The following ADGRG4 variants were observed in gnomAD, a reference collection of about 807,000 sequenced individuals.
The protein encoded by ADGRG4 is adhesion G protein-coupled receptor G4, also known as G protein-coupled receptor 112.
ADGRG4 carries 122 observed loss-of-function variants against 126.2 expected under a neutral mutation model. The ratio of observed to expected loss-of-function variants is 0.97; its 90% CI spans 0.83 to 1.12. The LOEUF is 1.12. ADGRG4 is among the 50% of genes most tolerant of loss of function. The pLI, the probability that ADGRG4 is intolerant of heterozygous loss-of-function variation, is 0.00. For synonymous variants in ADGRG4, 943 were observed against 838.7 expected, an observed-to-expected ratio of 1.12 and a Z score of -2.15; for missense variants, 2,481 against 2,251.8, an observed-to-expected ratio of 1.10 and a Z score of -2.06.
chrX:136,351,611 A>T, intron 7 of ADGRG4, 70 bp downstream of exon 7: 1 of 430,545 alleles, frequency 2.3e-6, no homozygotes, highest in South Asian at 7.8e-5. Flanking sequence ...TATATATGAC[A>T]GAATATATTA....
At chrX:136,354,325 A>G (rs2075080745) in intron 8 of ADGRG4, among the ~76,000 whole-genome samples, 1 of 111,856 alleles carries the variant, frequency 8.9e-6, no homozygotes, top group Non-Finnish European at 1.9e-5. Context: ...TCCAAGATCA[A>G]GGTGTTGGCA....
chrX:136,321,151 G>T (rs2074837361), intron 4 of ADGRG4, among the ~76,000 whole-genome samples: 1 of 111,703 alleles, frequency 9.0e-6, no homozygotes, highest in African/African-American at 3.3e-5. Context: ...TGTCTTGTGG[G>T]ATTAACTCTT....
At position 136,371,448 on chromosome X, in the gene ADGRG4, T is replaced by C; in HGVS notation, c.7517T>C (p.Ile2506Thr). 1 of 1,193,333 alleles carries C rather than the reference T, an allele frequency of 8.4e-7. No homozygotes were observed. The highest frequency in any genetic ancestry group is 1.1e-6 in the Non-Finnish European group (1 of 882,754). Residue 2506 changes from isoleucine (I) to threonine (T), a missense_variant, in exon 14 of 26, where the codon ATA (isoleucine) becomes ACA (threonine). By Grantham distance (89) the Ile-to-Thr change is moderately conservative. Coordinates refer to ENST00000394143, the MANE Select transcript of ADGRG4 (RefSeq NM_153834.4). ...TCAGATATTTCACAATGTGATGAGA[T>C]AAGTATGAACCTAACTCATGTTATG... ...KISDISQCDE[I>T]SMNLTHVMLQ...
intron 5 of ADGRG4, among the ~76,000 whole-genome samples, chrX:136,325,747 G>A (rs987235274): frequency 2.0e-5 from 2 of 100,797 alleles, no homozygotes; most frequent in African/African-American, 7.4e-5. Context: ...GTCTCGCTGC[G>A]ACACCCAGGC....
chrX:136,322,588 A>C (rs987502343), intron 4 of ADGRG4, among the ~76,000 whole-genome samples, 190 bp from the exon 5 acceptor site: 1 of 112,055 alleles, frequency 8.9e-6, no homozygotes, highest in African/African-American at 3.2e-5. Context: ...CTCTTCTGCC[A>C]AAACAAAAAT....
chrX:136,307,884 T>C (rs1163365659), intron 3 of ADGRG4, among the ~76,000 whole-genome samples: 3 of 112,315 alleles, frequency 2.7e-5, no homozygotes, highest in African/African-American at 9.7e-5. Context: ...TAAGACACTA[T>C]AGTTACAATT....
At chrX:136,414,628 C>A (rs1011078031) in intron 25 of ADGRG4, among the ~76,000 whole-genome samples, 3 of 112,742 alleles carry the variant, frequency 2.7e-5, no homozygotes, top group Non-Finnish European at 3.7e-5. Flanking sequence ...ACAATTGTCA[C>A]AGACCATTAA....
intron 15 of ADGRG4, among the ~76,000 whole-genome samples, chrX:136,378,251 A>G (rs1221096595): frequency 9.0e-6 from 1 of 111,475 alleles, no homozygotes; most frequent in Non-Finnish European, 1.9e-5. Context: ...TTAAAACTAG[A>G]TATTCCAATT....
intron 15 of ADGRG4, among the ~76,000 whole-genome samples, chrX:136,377,580 C>G (rs2075235414): frequency 8.9e-6 from 1 of 111,807 alleles, no homozygotes; most frequent in African/African-American, 3.2e-5. Flanking sequence ...ATACCTTTGT[C>G]TATCAGGAAG....
intron 11 of ADGRG4, 27 bp from the exon 12 acceptor site, chrX:136,361,428 T>G: frequency 9.3e-7 from 1 of 1,074,017 alleles, no homozygotes; most frequent in Non-Finnish European, 1.2e-6. Flanking sequence ...TCTTGTCCTT[T>G]AAAATGTGCA....
chrX:136,387,681 C>A lies in ADGRG4; in HGVS notation c.7777-59C>A, dbSNP rs983187150. 83 of 1,115,340 alleles carry A rather than the reference C, an allele frequency of 7.4e-5. No individual in the cohort carries two copies. The Middle Eastern group carries it at 2.0e-3, about 26-fold the overall frequency. 91.9% of individuals were successfully genotyped at this position (1,115,340 alleles called of 1,213,427 possible). ...AGGCTGAGCTGGGGTGGGAGGTGGG[C>A]AGGACTTCACTATGATGAATGAAGA... is the stretch of plus-strand genomic sequence containing the variant. On this transcript the variant is annotated intron_variant, in intron 15 of 25. Transcript: ENST00000394143.
chrX:136,331,161 T>C (rs932441631), intron 5 of ADGRG4, among the ~76,000 whole-genome samples: 11 of 112,315 alleles, frequency 9.8e-5, no homozygotes, highest in African/African-American at 3.6e-4. Context: ...ATCCATGTTG[T>C]TGCAAATGAC....
At chrX:136,369,008 C>T (rs1046328955) in intron 13 of ADGRG4, among the ~76,000 whole-genome samples, 1 of 111,709 alleles carries the variant, frequency 9.0e-6, no homozygotes, top group African/African-American at 3.3e-5. Context: ...CAGCCAACAG[C>T]TTCAACTGAC....
At chrX:136,327,782 G>T (rs1489588494) in intron 5 of ADGRG4, among the ~76,000 whole-genome samples, 1 of 110,565 alleles carries the variant, frequency 9.0e-6, no homozygotes, top group Non-Finnish European at 1.9e-5. Context: ...CTCAGTAAAA[G>T]CCTATAAGCT....
chrX:136,323,461 G>A, intron 5 of ADGRG4, 69 bp downstream of exon 5: 1 of 974,729 alleles, frequency 1.0e-6, no homozygotes. Context: ...GCTAGCAGTG[G>A]CCCCAGGTTG....
intron 1 of ADGRG4, among the ~76,000 whole-genome samples, chrX:136,303,125 A>T (rs986977160): frequency 1.8e-5 from 2 of 112,056 alleles, no homozygotes; most frequent in African/African-American, 6.5e-5. Flanking sequence ...ATCTGAAACC[A>T]TATGGGCAAT....
chrX:136,301,259 A>C (rs1228337238), intron 1 of ADGRG4, among the ~76,000 whole-genome samples: 2 of 111,706 alleles, frequency 1.8e-5, no homozygotes, highest in African/African-American at 6.5e-5. Context: ...TTGTTTCCTG[A>C]CTTTTTAATG....
At chrX:136,359,227 T>C in intron 10 of ADGRG4, 65 bp from the exon 11 acceptor site, 2 of 961,832 alleles carry the variant, frequency 2.1e-6, no homozygotes, top group Non-Finnish European at 2.8e-6. Context: ...ATTTCTGCAT[T>C]GCAGGCCAAG....
At chrX:136,371,294 A>G in intron 13 of ADGRG4, 34 bp from the exon 14 acceptor site, 1 of 996,772 alleles carries the variant, frequency 1.0e-6, no homozygotes, top group Non-Finnish European at 1.4e-6. Context: ...AGACTAAGTC[A>G]TGCAGCTTTT....
Sources: gnomAD v4.1 joint callset for allele counts (sites outside exome capture counted in the v4.1 genomes callset) on GRCh38, gnomAD v4.1.1 for gene constraint, MANE v1.5 for transcripts, NCBI Gene and HGNC (gene_info 2026-07-23, HGNC 2026-07-21) for gene names.